The following PCDHA2 variants were observed in gnomAD, a reference collection of about 807,000 sequenced individuals.
PCDHA2 encodes protocadherin alpha 2.
PCDHA2 carries 58 observed loss-of-function variants against 66.0 expected under a neutral mutation model. The observed-to-expected ratio is 0.88, with a 90% CI of 0.71 to 1.09. The LOEUF (loss-of-function observed/expected upper bound fraction) is 1.09, where lower values mean the gene tolerates loss of function less well. Ranked by LOEUF, PCDHA2 falls within the 50% of genes least tolerant of loss-of-function variation. PCDHA2 has a pLI of 0.00. For synonymous variants in PCDHA2, 634 were observed against 554.0 expected (o/e 1.14, Z -2.03); for missense variants, 1,267 against 1,242.3 (o/e 1.02, Z -0.30).
chr5:140,808,695 C>G, intron 1 of PCDHA2: 1 of 1,612,160 alleles, frequency 6.2e-7, no homozygotes, highest in Non-Finnish European at 8.5e-7. Flanking sequence ...GGGGAGCGCG[C>G]GCTGTCGAGC....
chr5:140,834,686 G>A (rs2150224361), intron 1 of PCDHA2: 2 of 1,614,276 alleles, frequency 1.2e-6, no homozygotes, highest in Non-Finnish European at 1.7e-6. Context: ...GGAGCGCGGA[G>A]TGCAGCATCC....
intron 1 of PCDHA2, among the ~76,000 whole-genome samples, chr5:140,960,487 GGTTT>G: frequency 6.6e-6 from 1 of 152,236 alleles, no homozygotes; most frequent in South Asian, 2.1e-4. Context: ...CAGAGGTGTA[GGTTT>G]GTTTGTTCCA....
rs1554213921 is a variant in PCDHA2 at position 140,941,202 on chromosome 5, C to CTTTCTTTCTTTCTTT, written c.2389-37747_2389-37746insTTTCTTTCTTTCTTT. Among the ~76,000 whole-genome samples the CTTTCTTTCTTTCTTT allele has an allele frequency of 5.9e-3, 725 of 122,798 alleles. 27 individuals are homozygous for CTTTCTTTCTTTCTTT. The highest frequency in any genetic ancestry group is 0.024 in the East Asian group (107 of 4,522). The allele number at this position is 122,798 out of a possible 152,430, so 80.6% of individuals were successfully genotyped here. ...TCCTGCTTCTTTTTTTTTCTTTCTTCCTTTCTTTCTTCCTTTCTTTCTTTC... is the reference window on the plus strand; with the variant it reads ...TCCTGCTTCTTTTTTTTTCTTTCTTCTTTCTTTCTTTCTTTCTTTCTTTCTTCCTTTCTTTCTTTC... On this transcript the variant is annotated intron_variant, in intron 1 of 3. Coordinates refer to ENST00000526136, the MANE Select transcript of PCDHA2 (RefSeq NM_018905.3).
At chr5:140,917,170 G>A (rs1196393398) in intron 1 of PCDHA2, among the ~76,000 whole-genome samples, 1 of 152,184 alleles carries the variant, frequency 6.6e-6, no homozygotes, top group African/African-American at 2.4e-5. Context: ...AGGGGTGATG[G>A]TGGTGATCCC....
At chr5:140,820,167 G>T (rs1396971476) in intron 1 of PCDHA2, among the ~76,000 whole-genome samples, 1 of 151,812 alleles carries the variant, frequency 6.6e-6, no homozygotes, top group Non-Finnish European at 1.5e-5. Context: ...AAACTATTAG[G>T]CAAATAGTCT....
intron 1 of PCDHA2, chr5:140,856,284 A>C (rs1164216826): frequency 5.6e-6 from 9 of 1,598,362 alleles, no homozygotes; most frequent in Non-Finnish European, 7.7e-6. Context: ...GTAAATCTGC[A>C]GAATGGCATT....
At chr5:140,829,997 G>A (rs2150179331) in intron 1 of PCDHA2, 1 of 1,613,998 alleles carries the variant, frequency 6.2e-7, no homozygotes, top group Non-Finnish European at 8.5e-7. Flanking sequence ...CACCACTCGT[G>A]TCCTGGACGA....
chr5:140,924,752 G>A (rs970314481), intron 1 of PCDHA2, among the ~76,000 whole-genome samples: 5 of 151,648 alleles, frequency 3.3e-5, no homozygotes, highest in South Asian at 2.1e-4. Context: ...AAAATTAACC[G>A]AGCATGGTGG....
chr5:140,835,671 G>T (rs1489343208), intron 1 of PCDHA2: 8 of 1,613,790 alleles, frequency 5.0e-6, no homozygotes, highest in Non-Finnish European at 6.8e-6. Context: ...CGCGCGGGAC[G>T]GGGGCTCGCC....
chr5:140,905,809 A>C (rs1349964349), intron 1 of PCDHA2, among the ~76,000 whole-genome samples: 1 of 152,184 alleles, frequency 6.6e-6, no homozygotes, highest in East Asian at 1.9e-4. Context: ...GGACAGAATT[A>C]ATAGGCTAGA....
At chr5:140,945,000 G>T (rs980802301) in intron 1 of PCDHA2, among the ~76,000 whole-genome samples, 2 of 151,862 alleles carry the variant, frequency 1.3e-5, no homozygotes. Flanking sequence ...AACGGTTGTG[G>T]GTCATGAATT....
At chr5:140,827,407 A>C (rs1402035341) in intron 1 of PCDHA2, among the ~76,000 whole-genome samples, 1 of 152,242 alleles carries the variant, frequency 6.6e-6, no homozygotes, top group African/African-American at 2.4e-5. Flanking sequence ...TGTGATAAAG[A>C]ATATGCTCTA....
intron 1 of PCDHA2, chr5:140,876,644 C>G: frequency 2.5e-6 from 4 of 1,614,200 alleles, no homozygotes; most frequent in Non-Finnish European, 3.4e-6. Context: ...TCACTGACAC[C>G]TCATGTTCCC....
At chr5:140,821,679 C>T (rs2150110054) in intron 1 of PCDHA2, 709,926 of 1,321,150 alleles carry the variant, frequency 0.54, 193,036 homozygotes, top group African/African-American at 0.73. Flanking sequence ...CTCAGAAAGG[C>T]GATAATATAA....
Position 140,850,981 on chromosome 5 carries a change from T to C in PCDHA2, c.2388+53629T>C, listed in dbSNP as rs1554145152. ...CCAGGGGCCGTTCAAATAGTTTTATTCATTTTTCTAGAAATCCAGCAGATT... is the reference window on the plus strand; with the variant it reads ...CCAGGGGCCGTTCAAATAGTTTTATCCATTTTTCTAGAAATCCAGCAGATT... On this transcript the variant is annotated intron_variant, in intron 1 of 3. Coordinates refer to ENST00000526136, the MANE Select transcript of PCDHA2 (RefSeq NM_018905.3). 1.3e-5 allele frequency: 19 copies of C among 1,453,220 alleles called. No individual in the cohort carries two copies. In the East Asian group the frequency reaches 4.5e-4, roughly 35 times the overall value. 90.0% of individuals were successfully genotyped at this position (1,453,220 alleles called of 1,614,324 possible). A position where few individuals can be genotyped will look rare whatever the true frequency, so the allele number is the denominator to read the frequency against.
At chr5:140,800,123 T>C (rs1762509248) in intron 1 of PCDHA2, among the ~76,000 whole-genome samples, 1 of 152,156 alleles carries the variant, frequency 6.6e-6, no homozygotes, top group Non-Finnish European at 1.5e-5. Context: ...GTAATTACTT[T>C]ATATTGTTAA....
chr5:140,921,716 A>C (rs1554200396), intron 1 of PCDHA2, among the ~76,000 whole-genome samples: 1 of 152,202 alleles, frequency 6.6e-6, no homozygotes, highest in Non-Finnish European at 1.5e-5. Context: ...TAAACACACG[A>C]ATTACTCCCA....
At chr5:140,898,970 C>T (rs2067071539) in intron 1 of PCDHA2, among the ~76,000 whole-genome samples, 2 of 152,006 alleles carry the variant, frequency 1.3e-5, no homozygotes, top group South Asian at 4.2e-4. Context: ...TGGGAGTTCA[C>T]TCATGATTTG....
intron 2 of PCDHA2, among the ~76,000 whole-genome samples, chr5:140,979,718 TGCCATGGG>T (rs1430155366): frequency 1.3e-5 from 2 of 152,270 alleles, no homozygotes; most frequent in Non-Finnish European, 2.9e-5. Context: ...CCAGTATCCA[TGCCATGGG>T]GCCAAATAAA....
Sources: gnomAD v4.1 joint callset for allele counts (sites outside exome capture counted in the v4.1 genomes callset) on GRCh38, gnomAD v4.1.1 for gene constraint, MANE v1.5 for transcripts, NCBI Gene and HGNC (gene_info 2026-07-23, HGNC 2026-07-21) for gene names.